ILF2: variants seen among roughly 807,000 people sequenced by gnomAD.
ILF2 encodes interleukin enhancer-binding factor 2.
ILF2 carries 9 observed loss-of-function variants against 55.3 expected under a neutral mutation model. The ratio of observed to expected loss-of-function variants is 0.16; its 90% CI spans 0.10 to 0.28. ILF2 has a LOEUF of 0.28. ILF2 is among the 10% of genes least tolerant of loss of function. The pLI is 1.00. For synonymous variants in ILF2, 151 were observed against 161.8 expected (o/e 0.93, Z 0.50); for missense variants, 266 against 474.9 (o/e 0.56, Z 4.09).
intron 7 of ILF2, 153 bp from the exon 8 acceptor site, chr1:153,665,489 C>T: frequency 1.3e-6 from 1 of 753,376 alleles, no homozygotes; most frequent in Middle Eastern, 2.3e-4. Context: ...GGAGATCAAA[C>T]AGATCTCCCT....
chr1:153,670,766 C>T, intron 1 of ILF2, 152 bp downstream of exon 1: 2 of 945,324 alleles, frequency 2.1e-6, no homozygotes, highest in African/African-American at 1.6e-5. Context: ...TACCGGCCTC[C>T]ATCTCTCCCA....
rs1312281006 is a variant in ILF2, at chr1:153,667,895, C to A, written c.291+105G>T. ...TTCCACTGTACTTTCTCATTTTAGG[C>A]TTGGCTTTGGATAATAGACAACTGA... On this transcript the variant is annotated intron_variant, in intron 5 of 13. Transcript: ENST00000361891. The A allele has an allele frequency of 4.8e-6, 4 of 829,684 alleles. No individual in the cohort carries two copies. The East Asian group carries it at 7.4e-5, about 15-fold the overall frequency. The allele number at this position is 829,684 out of a possible 1,614,324, so 51.4% of individuals were successfully genotyped here.
At chr1:153,663,336 T>G in intron 10 of ILF2, 60 bp from the exon 11 acceptor site, 1 of 1,479,262 alleles carries the variant, frequency 6.8e-7, no homozygotes, top group South Asian at 1.1e-5. Flanking sequence ...TAACTAGAAC[T>G]TTATTTTTTA....
chr1:153,670,258 C>A lies in ILF2; in HGVS notation c.6-28G>T, dbSNP rs764574608. 10 of 1,611,610 alleles carry A rather than the reference C, an allele frequency of 6.2e-6. No homozygotes were observed. The Middle Eastern group carries it at 6.6e-4, about 106-fold the overall frequency. On this transcript the variant is annotated intron_variant, in intron 1 of 13. Coordinates refer to ENST00000361891, the MANE Select transcript of ILF2 (RefSeq NM_004515.4). The stretch of plus-strand genomic sequence containing the variant: ...AGAAATGCAGATTTTATTTTGACCT[C>A]ATTGAAGGAATACCCACCGGCCATA...
intron 6 of ILF2, chr1:153,667,262 GAGCTCAGGAGTTTGAGACC>G (rs1251574771): frequency 4.3e-6 from 2 of 468,372 alleles, no homozygotes; most frequent in African/African-American, 2.0e-5. Context: ...CAGATTGCTT[GAGCTCAGGAGTTTGAGACC>G]AGCCCGAGCA....
intron 3 of ILF2, 48 bp from the exon 4 acceptor site, chr1:153,668,605 C>G (rs754216542): frequency 5.2e-6 from 8 of 1,547,040 alleles, no homozygotes; most frequent in Non-Finnish European, 6.1e-6. Context: ...AGATAATATA[C>G]AGGAGAGATT....
chr1:153,668,830 G>A (rs904136166), intron 3 of ILF2, among the ~76,000 whole-genome samples: 3 of 151,602 alleles, frequency 2.0e-5, no homozygotes, highest in Non-Finnish European at 2.9e-5. Context: ...CACAGGAAGC[G>A]AGGTTGCAGT....
intron 3 of ILF2, among the ~76,000 whole-genome samples, chr1:153,669,336 T>A (rs1470992772): frequency 6.6e-6 from 1 of 152,206 alleles, no homozygotes. Flanking sequence ...CAATTACTTG[T>A]TCAGAACAAA....
intron 8 of ILF2, among the ~76,000 whole-genome samples, chr1:153,664,837 C>T (rs1475172395): frequency 2.0e-5 from 3 of 152,184 alleles, no homozygotes; most frequent in Admixed American, 6.5e-5. Context: ...GGATTACAGG[C>T]GTGAGCCACC....
intron 6 of ILF2, chr1:153,667,296 G>A (rs577897583): frequency 2.1e-5 from 11 of 529,356 alleles, no homozygotes; most frequent in Admixed American, 6.9e-5. Context: ...CGAGCAACAC[G>A]GTGAAACCCT....
chr1:153,664,190 G>A (rs1233876691), intron 9 of ILF2, 60 bp from the exon 10 acceptor site: 14 of 1,137,514 alleles, frequency 1.2e-5, no homozygotes, highest in Non-Finnish European at 1.4e-5. Context: ...CCATGCCTAA[G>A]GTAGAATTGA....
At chr1:153,664,507 A>C in intron 8 of ILF2, 33 bp from the exon 9 acceptor site, 1 of 1,531,618 alleles carries the variant, frequency 6.5e-7, no homozygotes, top group Non-Finnish European at 9.0e-7. Flanking sequence ...CCAGGATGAA[A>C]CATTTTCATT....
rs761774765 is a variant in ILF2, at chr1:153,667,465, G to A, written c.394+90C>T. 2.2e-5 allele frequency: 20 copies of A among 910,406 alleles called. No homozygotes were observed. In the Admixed American group the frequency reaches 3.3e-4, roughly 15 times the overall value. The allele number at this position is 910,406 out of a possible 1,614,324, so 56.4% of individuals were successfully genotyped here. On this transcript the variant is annotated intron_variant, in intron 6 of 13. Coordinates refer to ENST00000361891, the MANE Select transcript of ILF2 (RefSeq NM_004515.4). ...CTGCACTCCAGCCTGGCCAACGGAG[G>A]GAGAATTTGTCTCAAAACAAAAAAA... is the stretch of plus-strand genomic sequence containing the variant.
chr1:153,663,995 C>T, intron 10 of ILF2, 48 bp downstream of exon 10: 1 of 863,174 alleles, frequency 1.2e-6, no homozygotes, highest in Non-Finnish European at 1.9e-6. Context: ...ACTACTACTA[C>T]TAGTAAATAA....
At chr1:153,667,973 CCTAAAA>C (rs1412977563) in intron 5 of ILF2, 21 bp downstream of exon 5, 2 of 1,550,956 alleles carry the variant, frequency 1.3e-6, no homozygotes, top group African/African-American at 1.4e-5. Context: ...GCTGCCCTTT[CCTAAAA>C]CTAAATCATC....
chr1:153,665,705 T>G lies in ILF2; in HGVS notation c.418A>C (p.Asn140His). ...PTLEAVAALG[N>H]KVVESLRAQD... ...GCTCTTAGGCTTTCCACGACTTTGT[T>G]CCCCAGGGCAGCAACAGCTTCCACT... is the stretch of plus-strand genomic sequence containing the variant. The change falls in exon 7 of 14, where the codon AAC (asparagine) becomes CAC (histidine). Residue 140 changes from asparagine (N) to histidine (H), a missense_variant. By Grantham distance (68) the Asn-to-His change is moderately conservative (BLOSUM62 1). Transcript: ENST00000361891. 2 of 1,611,032 alleles carry G rather than the reference T, an allele frequency of 1.2e-6. No homozygotes were observed. Among genetic ancestry groups the G allele is most frequent in the Non-Finnish European group, 8.5e-7 (1 of 1,179,018 alleles).
chr1:153,665,693 C>G lies in ILF2; in HGVS notation c.430G>C (p.Glu144Gln). 6.2e-7 allele frequency: 1 copy of G among 1,613,206 alleles called. No individual in the cohort carries two copies. Among genetic ancestry groups the G allele is most frequent in the Non-Finnish European group, 8.5e-7 (1 of 1,179,688 alleles). The change falls in exon 7 of 14, where the codon GAA (glutamate) becomes CAA (glutamine). Residue 144 changes from glutamate to glutamine, a missense_variant. By Grantham distance (29) the Glu-to-Gln change is conservative (BLOSUM62 2). Transcript: ENST00000361891. ...AVAALGNKVV[E>Q]SLRAQDPSEV... ...GAAGGATCCTGTGCTCTTAGGCTTT[C>G]CACGACTTTGTTCCCCAGGGCAGCA...
At chr1:153,666,262 C>CGATCTCTGCT (rs1483966971) in intron 6 of ILF2, among the ~76,000 whole-genome samples, 1 of 152,186 alleles carries the variant, frequency 6.6e-6, no homozygotes, top group African/African-American at 2.4e-5. Context: ...CTGCTAACTC[C>CGATCTCTGCT]AACCTCTGCC....
chr1:153,663,958 ACT>A, intron 10 of ILF2, 83 bp downstream of exon 10: 1 of 113,274 alleles, frequency 8.8e-6, no homozygotes, highest in South Asian at 2.2e-4. Context: ...TTTCAGAGTT[ACT>A]ACTACTACTA....
Sources: allele counts gnomAD v4.1 joint callset (sites outside exome capture counted in the v4.1 genomes callset), GRCh38; gene constraint gnomAD v4.1.1; transcripts MANE v1.5; gene names NCBI Gene and HGNC (gene_info 2026-07-23, HGNC 2026-07-21).